The following YEATS2 variants were observed in gnomAD, a reference collection of about 807,000 sequenced individuals.
YEATS2 encodes YEATS domain-containing protein 2.
A neutral mutation model predicts 163.2 loss-of-function variants in YEATS2; 77 were observed. That is an observed-to-expected ratio of 0.47 (90% CI 0.39 to 0.57). The LOEUF is 0.57. YEATS2 is among the 20% of genes least tolerant of loss of function. The pLI is 0.00. For missense variants in YEATS2, 1,549 were observed against 1,729.8 expected, an observed-to-expected ratio of 0.90 and a Z score of 1.85; for synonymous variants, 631 against 645.1, an observed-to-expected ratio of 0.98 and a Z score of 0.33.
At chr3:183,769,414 C>A (rs995400460) in intron 15 of YEATS2, among the ~76,000 whole-genome samples, 11 of 152,174 alleles carry the variant, frequency 7.2e-5, no homozygotes, top group Non-Finnish European at 1.0e-4. Context: ...GATTATTATT[C>A]TTCAGTTGAA....
chr3:183,737,342 G>A (rs890480664), intron 8 of YEATS2, among the ~76,000 whole-genome samples: 42 of 152,154 alleles, frequency 2.8e-4, no homozygotes, highest in African/African-American at 9.4e-4. Flanking sequence ...GCAAGAAGTG[G>A]CTAAGAATAG....
chr3:183,754,438 A>G, intron 11 of YEATS2, 73 bp downstream of exon 11: 3 of 1,518,024 alleles, frequency 2.0e-6, no homozygotes, highest in Non-Finnish European at 2.7e-6. Flanking sequence ...ACAAAACAAA[A>G]TACTTGGCTT....
chr3:183,754,018 G>T, intron 10 of YEATS2, 108 bp from the exon 11 acceptor site: 1 of 1,367,282 alleles, frequency 7.3e-7, no homozygotes, highest in South Asian at 1.8e-5. Context: ...ACCAGTACAT[G>T]GTTTAAAATG....
rs1425251534 is a variant in YEATS2 at position 183,812,521 on chromosome 3, T to A, written c.*1938T>A. 9 of 152,652 alleles carry A rather than the reference T, an allele frequency of 5.9e-5. No individual in the cohort carries two copies. The highest frequency in any genetic ancestry group is 1.3e-4 in the Non-Finnish European group (9 of 68,030). The allele number at this position is 152,652 out of a possible 1,614,324, so 9.5% of individuals were successfully genotyped here. On this transcript the variant is annotated 3_prime_UTR_variant, in exon 31 of 31. Transcript: ENST00000305135. ...AATTATCTTTTTGCAAAAGAAATAT[T>A]AAATGATTTAGCAGTCTCCACGTGT...
At chr3:183,708,160 CTTTTTTT>C (rs35605564) in intron 1 of YEATS2, among the ~76,000 whole-genome samples, 1 of 120,918 alleles carries the variant, frequency 8.3e-6, no homozygotes, top group East Asian at 2.5e-4. Flanking sequence ...GAATTGGCCA[CTTTTTTT>C]TTTTTTTTTT....
intron 19 of YEATS2, among the ~76,000 whole-genome samples, chr3:183,781,362 A>C (rs940219788): frequency 6.6e-6 from 1 of 152,200 alleles, no homozygotes; most frequent in Non-Finnish European, 1.5e-5. Flanking sequence ...TTGATGTCTC[A>C]GCTTAAGAAG....
chr3:183,761,561 C>T lies in YEATS2; in HGVS notation c.1711C>T (p.Pro571Ser). 1.2e-6 allele frequency: 2 copies of T among 1,614,110 alleles called. No individual in the cohort carries two copies. The highest frequency in any genetic ancestry group is 1.1e-5 in the South Asian group (1 of 91,078). Reference sequence around the variant, plus strand: ...ACCTCTTTGCCCAATTGGGAGTCACCCTAAGGTTCAAAGCCCCAAACCTAT... The same window carrying T: ...ACCTCTTTGCCCAATTGGGAGTCACTCTAAGGTTCAAAGCCCCAAACCTAT... ...MPPLCPIGSH[P>S]KVQSPKPITG... The change falls in exon 14 of 31, where the codon CCT (proline) becomes TCT (serine). Residue 571 changes from proline to serine, a missense_variant. Transcript: ENST00000305135.
At chr3:183,783,153 A>G (rs1481469382) in intron 19 of YEATS2, among the ~76,000 whole-genome samples, 4 of 152,210 alleles carry the variant, frequency 2.6e-5, no homozygotes, top group African/African-American at 4.8e-5. Context: ...TGACCCTGGT[A>G]AATTAATCTC....
chr3:183,704,257 G>A (rs375742911), intron 1 of YEATS2, among the ~76,000 whole-genome samples: 9 of 151,546 alleles, frequency 5.9e-5, no homozygotes, highest in South Asian at 4.2e-4. Flanking sequence ...GCCTTTGTTC[G>A]TTCTGCTTGT....
chr3:183,725,863 G>A (rs1400610358), intron 6 of YEATS2, among the ~76,000 whole-genome samples: 1 of 152,174 alleles, frequency 6.6e-6, no homozygotes, highest in South Asian at 2.1e-4. Context: ...GAAATGGGAG[G>A]ATGTAAGTGT....
At chr3:183,711,976 C>T (rs1420360388) in intron 1 of YEATS2, among the ~76,000 whole-genome samples, 3 of 151,054 alleles carry the variant, frequency 2.0e-5, no homozygotes, top group African/African-American at 4.9e-5. Context: ...CACATGACCA[C>T]GTCTGGCTAA....
intron 10 of YEATS2, among the ~76,000 whole-genome samples, chr3:183,752,841 A>G (rs1267231348): frequency 6.6e-6 from 1 of 151,340 alleles, no homozygotes; most frequent in East Asian, 1.9e-4. Flanking sequence ...TCTGTTGCCC[A>G]GGCTGGAGTG....
At position 183,769,419 on chromosome 3, in the gene YEATS2, G is replaced by C. The variant is rs1260928463; in HGVS notation, c.1948-2886G>C. ...TCCCCTTGTGGATTATTATTCTTCA[G>C]TTGAAGTGTTGTGATGAGCAGCAAC... On this transcript the variant is annotated intron_variant, in intron 15 of 30. Transcript: ENST00000305135. 2.0e-5 allele frequency among the ~76,000 whole-genome samples: 3 copies of C among 152,134 alleles called. No individual in the cohort carries two copies. In the East Asian group the frequency reaches 5.8e-4, roughly 29 times the overall value.
At chr3:183,807,625 C>T (rs951341434) in intron 28 of YEATS2, 3 of 213,328 alleles carry the variant, frequency 1.4e-5, no homozygotes, top group Middle Eastern at 1.9e-3. Context: ...GCTCAGGGCC[C>T]AAGGTGAAAG....
chr3:183,799,442 A>G (rs947314183), intron 23 of YEATS2, among the ~76,000 whole-genome samples: 3 of 152,202 alleles, frequency 2.0e-5, no homozygotes, highest in Admixed American at 1.3e-4. Context: ...GTCAAGGGGT[A>G]GGCCAGATTA....
chr3:183,701,320 G>A (rs969125701), intron 1 of YEATS2, among the ~76,000 whole-genome samples: 13 of 151,896 alleles, frequency 8.6e-5, no homozygotes, highest in South Asian at 8.3e-4. Flanking sequence ...ATCTCCTGAC[G>A]TCGTGATCTG....
At chr3:183,728,628 A>G in intron 6 of YEATS2, 62 bp from the exon 7 acceptor site, 19 of 1,426,266 alleles carry the variant, frequency 1.3e-5, no homozygotes, top group Non-Finnish European at 1.8e-5. Flanking sequence ...GTAGGACTTA[A>G]TTATTTAGTT....
At chr3:183,792,159 G>A (rs1474926426) in intron 21 of YEATS2, among the ~76,000 whole-genome samples, 1 of 152,118 alleles carries the variant, frequency 6.6e-6, no homozygotes, top group Non-Finnish European at 1.5e-5. Flanking sequence ...TTAAGTTCTA[G>A]GATACATGTG....
chr3:183,732,998 C>G (rs1406819842), intron 7 of YEATS2, among the ~76,000 whole-genome samples: 1 of 152,168 alleles, frequency 6.6e-6, no homozygotes, highest in African/African-American at 2.4e-5. Context: ...GTAGCTAGGA[C>G]TATAGGCGTG....
Sources: allele counts gnomAD v4.1 joint callset (sites outside exome capture counted in the v4.1 genomes callset), GRCh38; gene constraint gnomAD v4.1.1; transcripts MANE v1.5; gene names NCBI Gene and HGNC (gene_info 2026-07-23, HGNC 2026-07-21).